The following ZNF280D variants were observed in gnomAD, a reference collection of about 807,000 sequenced individuals.
The protein encoded by ZNF280D is zinc finger protein 280D, also known as suppressor of hairy wing homolog 4.
ZNF280D carries 39 observed loss-of-function variants against 94.7 expected under a neutral mutation model. The observed-to-expected ratio is 0.41, with a 90% CI of 0.32 to 0.54. The LOEUF (loss-of-function observed/expected upper bound fraction) is 0.54. Among genes scored for constraint, ZNF280D ranks in the 20% least tolerant of loss-of-function variants. The probability of loss-of-function intolerance (pLI) is 0.22; values close to 1 mark genes in which losing one functional copy is unlikely to be tolerated. For synonymous variants in ZNF280D, 398 were observed against 377.6 expected (o/e 1.05, Z -0.63); for missense variants, 1,090 against 1,149.3 (o/e 0.95, Z 0.75).
intron 10 of ZNF280D, 137 bp downstream of exon 10, chr15:56,682,117 A>T: frequency 1.7e-6 from 1 of 588,324 alleles, no homozygotes; most frequent in Non-Finnish European, 2.8e-6. Context: ...TTTCAACAAG[A>T]GAATCCGCCT....
intron 1 of ZNF280D, chr15:56,724,780 A>T (rs1268621323): frequency 2.6e-6 from 1 of 378,618 alleles, no homozygotes; most frequent in Non-Finnish European, 5.2e-6. Flanking sequence ...TCTGTTGTGT[A>T]TAACTTCTCA....
At chr15:56,644,391 G>A (rs1336549487) in intron 19 of ZNF280D, among the ~76,000 whole-genome samples, 1 of 152,000 alleles carries the variant, frequency 6.6e-6, no homozygotes, top group African/African-American at 2.4e-5. Context: ...AATAAAATTA[G>A]TTATGAAGTA....
At chr15:56,722,863 T>C (rs2058439642) in intron 1 of ZNF280D, among the ~76,000 whole-genome samples, 1 of 151,522 alleles carries the variant, frequency 6.6e-6, no homozygotes, top group Admixed American at 6.6e-5. Flanking sequence ...ATTAAGAAAA[T>C]GTGGCACATA....
intron 4 of ZNF280D, among the ~76,000 whole-genome samples, chr15:56,703,600 T>C (rs2057217294): frequency 6.6e-6 from 1 of 152,252 alleles, no homozygotes; most frequent in African/African-American, 2.4e-5. Flanking sequence ...ACACCTGTAA[T>C]TTTAGCACTT....
intron 17 of ZNF280D, among the ~76,000 whole-genome samples, chr15:56,655,036 A>G (rs1198816339): frequency 1.3e-5 from 2 of 152,220 alleles, no homozygotes; most frequent in Non-Finnish European, 2.9e-5. Flanking sequence ...AAGGCTTTAA[A>G]AACAGATCAC....
At chr15:56,715,804 C>T (rs2058013690) in intron 1 of ZNF280D, among the ~76,000 whole-genome samples, 1 of 152,074 alleles carries the variant, frequency 6.6e-6, no homozygotes, top group African/African-American at 2.4e-5. Context: ...GTCATTTATT[C>T]CAGAAGTGCA....
intron 1 of ZNF280D, among the ~76,000 whole-genome samples, chr15:56,712,881 T>C (rs1340079160): frequency 3.3e-5 from 5 of 151,706 alleles, no homozygotes; most frequent in Non-Finnish European, 7.4e-5. Flanking sequence ...GCTGGGATTA[T>C]AGGTGCGCAC....
chr15:56,711,613 G>A (rs2057763043), intron 1 of ZNF280D, among the ~76,000 whole-genome samples: 1 of 152,140 alleles, frequency 6.6e-6, no homozygotes, highest in Non-Finnish European at 1.5e-5. Context: ...GTAGTGAGCT[G>A]AGATCGTGCC....
At chr15:56,710,777 T>C (rs2057717149) in intron 1 of ZNF280D, among the ~76,000 whole-genome samples, 1 of 152,056 alleles carries the variant, frequency 6.6e-6, no homozygotes, top group Non-Finnish European at 1.5e-5. Context: ...TAAATAATAT[T>C]AATACTGCAT....
In ZNF280D at chr15:56,689,168, C is replaced by A; in HGVS notation, c.671-18G>T. On this transcript the variant is annotated intron_variant, in intron 8 of 21. Transcript: ENST00000267807. The stretch of plus-strand genomic sequence containing the variant: ...ATTTGTACCTAAAATAAATTCAGAA[C>A]ATTTATGACTCAAAATTCATCACTT... 1 of 1,588,964 alleles carries A rather than the reference C, an allele frequency of 6.3e-7. No individual in the cohort carries two copies. The highest frequency in any genetic ancestry group is 8.6e-7 in the Non-Finnish European group (1 of 1,165,868).
intron 6 of ZNF280D, among the ~76,000 whole-genome samples, chr15:56,694,558 GA>G (rs1251893126): frequency 1.3e-5 from 2 of 151,956 alleles, no homozygotes; most frequent in African/African-American, 2.4e-5. Flanking sequence ...CAACATATAC[GA>G]AATACCTTTT....
chr15:56,718,601 G>T (rs533439521), intron 1 of ZNF280D, among the ~76,000 whole-genome samples: 1 of 152,050 alleles, frequency 6.6e-6, no homozygotes, highest in Non-Finnish European at 1.5e-5. Context: ...GCTTTAATAC[G>T]AAAGAAAAAT....
intron 1 of ZNF280D, among the ~76,000 whole-genome samples, chr15:56,709,966 C>T (rs189044014): frequency 6.6e-6 from 1 of 152,176 alleles, no homozygotes; most frequent in Admixed American, 6.5e-5. Context: ...ATGTAACAAA[C>T]CTGCATGTTG....
chr15:56,654,707 A>T (rs1427975432), intron 17 of ZNF280D: 2 of 616,042 alleles, frequency 3.2e-6, no homozygotes, highest in Non-Finnish European at 6.0e-6. Flanking sequence ...TTATTTACAG[A>T]AAGTATTTAT....
chr15:56,700,482 A>C, intron 6 of ZNF280D: 1 of 969,746 alleles, frequency 1.0e-6, no homozygotes, highest in South Asian at 4.3e-5. Flanking sequence ...GTAACAAAAA[A>C]AGTGGGAGTT....
At chr15:56,716,627 A>G (rs190857505) in intron 1 of ZNF280D, among the ~76,000 whole-genome samples, 1 of 152,268 alleles carries the variant, frequency 6.6e-6, no homozygotes, top group Admixed American at 6.5e-5. Context: ...CCTAAGAACA[A>G]TGAAAAACCA....
At chr15:56,657,034 C>T (rs1384849127) in intron 17 of ZNF280D, among the ~76,000 whole-genome samples, 1 of 152,138 alleles carries the variant, frequency 6.6e-6, no homozygotes, top group Admixed American at 6.5e-5. Flanking sequence ...ATCCCCTCTT[C>T]TACATTTTCC....
At chr15:56,732,647 C>CA (rs1294439059) in intron 1 of ZNF280D, 2 of 151,896 alleles carry the variant, frequency 1.3e-5, no homozygotes, top group Non-Finnish European at 1.5e-5. Context: ...GGCCTTTGGC[C>CA]AAAGGTCTCC....
At chr15:56,632,932 AACAT>A (rs1356522669) in intron 21 of ZNF280D, among the ~76,000 whole-genome samples, 1 of 152,022 alleles carries the variant, frequency 6.6e-6, no homozygotes, top group Non-Finnish European at 1.5e-5. Context: ...GTAAATATAT[AACAT>A]ACATACACAT....
Sources: gnomAD v4.1 joint callset for allele counts (sites outside exome capture counted in the v4.1 genomes callset) on GRCh38, gnomAD v4.1.1 for gene constraint, MANE v1.5 for transcripts, NCBI Gene and HGNC (gene_info 2026-07-23, HGNC 2026-07-21) for gene names.